The following MAD2L2 variants were observed in gnomAD, a reference collection of about 807,000 sequenced individuals.
MAD2L2 encodes the protein mitotic spindle assembly checkpoint protein MAD2B.
Under a neutral mutation model 30.5 loss-of-function variants are expected in MAD2L2, and 17 were observed. The observed-to-expected ratio is 0.56, with a 90% CI of 0.38 to 0.84. The LOEUF (loss-of-function observed/expected upper bound fraction) is 0.84. Ranked by LOEUF, MAD2L2 falls within the 40% of genes least tolerant of loss-of-function variation. The probability of loss-of-function intolerance (pLI) is 0.00; values close to 1 mark genes in which losing one functional copy is unlikely to be tolerated. For missense variants in MAD2L2, 213 were observed against 277.4 expected, an observed-to-expected ratio of 0.77 and a Z score of 1.65; for synonymous variants, 101 against 113.9, an observed-to-expected ratio of 0.89 and a Z score of 0.72.
Position 11,674,606 on chromosome 1 carries a change from TG to T in MAD2L2, c.*168del. The T allele has an allele frequency of 1.5e-6, 1 of 652,072 alleles. No homozygotes were observed. Among genetic ancestry groups the T allele is most frequent in the Non-Finnish European group, 2.7e-6 (1 of 375,366 alleles). The allele number at this position is 652,072 out of a possible 1,614,324, so 40.4% of individuals were successfully genotyped here. A position where few individuals can be genotyped will look rare whatever the true frequency, so the allele number is the denominator to read the frequency against. ...GTTGCGGCATCCCTCACTGCCCTCC[TG>T]GGGGAGGCATCCTCCAAGCAGACCT... On this transcript the variant is annotated 3_prime_UTR_variant, in exon 9 of 9. Transcript: ENST00000376692. This position sits in a 1 kb window ranked among gnomAD's most constrained non-coding sequence, Gnocchi z 6.1.
Position 11,674,935 on chromosome 1 carries a change from A to G in MAD2L2, c.595-119T>C, listed in dbSNP as rs1184262096. 2.3e-5 allele frequency: 31 copies of G among 1,355,824 alleles called. No individual in the cohort carries two copies. The highest frequency in any genetic ancestry group is 3.0e-5 in the Non-Finnish European group (29 of 955,724). 84.0% of individuals were successfully genotyped at this position (1,355,824 alleles called of 1,614,324 possible). A position where few individuals can be genotyped will look rare whatever the true frequency, so the allele number is the denominator to read the frequency against. On this transcript the variant is annotated intron_variant, in intron 8 of 8. Transcript: ENST00000376692. This position sits in a 1 kb window ranked among gnomAD's most constrained non-coding sequence, Gnocchi z 6.1. ...CAGGTGGGGCCTCGTGGCCATAGCC[A>G]TGGTGGAGAAGAGTAGAGATGGGAG...
chr1:11,676,032 G>A lies in MAD2L2; in HGVS notation c.427+14C>T. Reference sequence around the variant, plus strand: ...GGAAATGCCAAGGGAAGAGAGGGTGGGGAGTGGACACACCTGGGGGGTTGT... The same window carrying A: ...GGAAATGCCAAGGGAAGAGAGGGTGAGGAGTGGACACACCTGGGGGGTTGT... On this transcript the variant is annotated intron_variant, in intron 6 of 8. Transcript: ENST00000376692. The A allele has an allele frequency of 6.2e-7, 1 of 1,606,842 alleles. No individual in the cohort carries two copies. Among genetic ancestry groups the A allele is most frequent in the Non-Finnish European group, 8.5e-7 (1 of 1,173,694 alleles).
intron 3 of MAD2L2, among the ~76,000 whole-genome samples, chr1:11,680,115 C>T (rs1198279131): frequency 6.6e-6 from 1 of 151,326 alleles, no homozygotes; most frequent in Non-Finnish European, 1.5e-5. Flanking sequence ...CCTGCCTCAG[C>T]CTCCTGAGTA....
chr1:11,691,110 G>C (rs1019020535), intron 1 of MAD2L2, among the ~76,000 whole-genome samples: 3 of 152,118 alleles, frequency 2.0e-5, no homozygotes, highest in Admixed American at 1.3e-4. Flanking sequence ...TGCCCACTCT[G>C]CGCACTTTCT....
At chr1:11,675,971 T>C in intron 6 of MAD2L2, 75 bp downstream of exon 6, 1 of 1,274,926 alleles carries the variant, frequency 7.8e-7, no homozygotes, top group Non-Finnish European at 1.1e-6. Context: ...CAGCCAAACA[T>C]GGACCTGGGA....
chr1:11,682,695 C>T (rs1039185260), upstream of MAD2L2, among the ~76,000 whole-genome samples: 2 of 152,134 alleles, frequency 1.3e-5, no homozygotes, highest in Non-Finnish European at 2.9e-5. Flanking sequence ...CCCAGGGGCC[C>T]GGATGCCCAG....
At chr1:11,677,692 C>T in intron 3 of MAD2L2, 78 bp from the exon 4 acceptor site, 2 of 1,228,558 alleles carry the variant, frequency 1.6e-6, no homozygotes, top group Non-Finnish European at 2.3e-6. Context: ...GAGCCTAAGG[C>T]CCCATCTGCC....
chr1:11,675,305 G>A (rs1640742295), intron 7 of MAD2L2, 131 bp from the exon 8 acceptor site: 5 of 643,774 alleles, frequency 7.8e-6, no homozygotes, highest in Non-Finnish European at 1.1e-5. Flanking sequence ...TGTTGGTGAT[G>A]CAGACCCCAG....
intron 3 of MAD2L2, among the ~76,000 whole-genome samples, chr1:11,677,868 G>A (rs1640798293): frequency 6.6e-6 from 1 of 151,988 alleles, no homozygotes; most frequent in Non-Finnish European, 1.5e-5. Context: ...GACCAGCCTG[G>A]CCAATATGGT....
At chr1:11,680,883 G>T in intron 1 of MAD2L2, 156 bp downstream of exon 1, 1 of 848,524 alleles carries the variant, frequency 1.2e-6, no homozygotes, top group Non-Finnish European at 1.5e-6. Context: ...GAAAAGGGCA[G>T]GGCCGCGGAC....
upstream of MAD2L2, among the ~76,000 whole-genome samples, chr1:11,682,355 C>T (rs1291309377): frequency 6.6e-6 from 1 of 152,162 alleles, no homozygotes; most frequent in Non-Finnish European, 1.5e-5. Context: ...CCTCCAGGGA[C>T]GTAAGAGCTT....
At chr1:11,684,824 C>G (rs1028190718), upstream of MAD2L2, among the ~76,000 whole-genome samples, 2 of 152,140 alleles carry the variant, frequency 1.3e-5, no homozygotes, top group Non-Finnish European at 2.9e-5. Flanking sequence ...GATATCCTGA[C>G]GCTCAGGGGC....
intron 3 of MAD2L2, among the ~76,000 whole-genome samples, chr1:11,679,417 T>G (rs544740268): frequency 3.7e-4 from 57 of 152,244 alleles, no homozygotes; most frequent in African/African-American, 1.3e-3. Flanking sequence ...CTTAACCCAT[T>G]GAGTTTAGGA....
upstream of MAD2L2, among the ~76,000 whole-genome samples, chr1:11,684,516 T>A (rs1375289049): frequency 6.6e-6 from 1 of 151,930 alleles, no homozygotes; most frequent in East Asian, 1.9e-4. Flanking sequence ...GGAAAATCAC[T>A]CCCAAGAGAC....
upstream of MAD2L2, among the ~76,000 whole-genome samples, chr1:11,682,791 G>A (rs1640899493): frequency 6.6e-6 from 1 of 152,136 alleles, no homozygotes; most frequent in Non-Finnish European, 1.5e-5. Flanking sequence ...TTGTAAAATT[G>A]TGATGTAAAA....
Position 11,676,658 on chromosome 1 carries a change from G to A in MAD2L2, c.332+190C>T, listed in dbSNP as rs575385451. On this transcript the variant is annotated intron_variant, in intron 5 of 8. Coordinates refer to ENST00000376692, the MANE Select transcript of MAD2L2 (RefSeq NM_006341.4). ...GCTCTGCCCCCACCCAGGTGACCCT[G>A]GGTAGCTCATGTCATCTCTCTGGAC... The A allele has an allele frequency of 7.8e-5, 48 of 614,494 alleles. No individual in the cohort carries two copies. In the South Asian group the frequency reaches 9.1e-4, roughly 12 times the overall value. The allele number at this position is 614,494 out of a possible 1,614,324, so 38.1% of individuals were successfully genotyped here.
rs563791238 is a variant in MAD2L2, at chr1:11,690,682, A to T, written c.-692+731T>A. On this transcript the variant is annotated intron_variant, in intron 1 of 10. Transcript: ENST00000235310. The surrounding 1 kb of genome is among the most constrained non-coding windows in gnomAD (Gnocchi z 4.2). ...GCCAGGTGGGAGCGCTGCTTCCCAC[A>T]TATGGGAGTCCGGCCCCATCGCTCT... Among the ~76,000 whole-genome samples the T allele has an allele frequency of 4.6e-5, 7 of 152,324 alleles. No homozygotes were observed. Among genetic ancestry groups the T allele is most frequent in the Admixed American group, 3.9e-4 (6 of 15,296 alleles).
At position 11,675,127 on chromosome 1, in the gene MAD2L2, G is replaced by T. The variant is rs747572072; in HGVS notation, c.549C>A (p.Asp183Glu). The T allele has an allele frequency of 6.2e-7, 1 of 1,605,664 alleles. No homozygotes were observed. The highest frequency in any genetic ancestry group is 8.5e-7 in the Non-Finnish European group (1 of 1,175,634). Reference protein sequence around the residue: ...LADEQDVHMHDPRLIPLKTMT... With the variant: ...LADEQDVHMHEPRLIPLKTMT... ...TGGTTTTTAGTGGTATCAGCCGGGGGTCATGCATGTGGACATCCTGCTCAT... is the reference window on the plus strand; with the variant it reads ...TGGTTTTTAGTGGTATCAGCCGGGGTTCATGCATGTGGACATCCTGCTCAT... Residue 183 changes from aspartate (D) to glutamate (E), a missense_variant, in exon 8 of 9, where the codon GAC (aspartate) becomes GAA (glutamate). Asp to Glu is a conservative substitution (Grantham distance 45). Transcript: ENST00000376692.
chr1:11,682,692 G>A (rs1640897557), upstream of MAD2L2, among the ~76,000 whole-genome samples: 1 of 152,160 alleles, frequency 6.6e-6, no homozygotes, highest in Non-Finnish European at 1.5e-5. Context: ...CTCCCCAGGG[G>A]CCCGGATGCC....
Sources: gnomAD v4.1 joint callset for allele counts (sites outside exome capture counted in the v4.1 genomes callset) on GRCh38, gnomAD v4.1.1 for gene constraint, Gnocchi (gnomAD v3.1) non-coding constraint, MANE v1.5 for transcripts, NCBI Gene and HGNC (gene_info 2026-07-23, HGNC 2026-07-21) for gene names.